Variants in ABCA9 observed in about 807,000 individuals in gnomAD.
ABCA9 encodes ATP-binding cassette sub-family A member 9.
Under a neutral mutation model 205.3 loss-of-function variants are expected in ABCA9, and 183 were observed. The observed-to-expected ratio is 0.89, with a 90% CI of 0.79 to 1.01. The LOEUF (loss-of-function observed/expected upper bound fraction) is 1.01. Among genes scored for constraint, ABCA9 ranks in the 50% least tolerant of loss-of-function variants. The pLI, the probability that ABCA9 is intolerant of heterozygous loss-of-function variation, is 0.00. For synonymous variants in ABCA9, 651 were observed against 683.3 expected, an observed-to-expected ratio of 0.95 and a Z score of 0.74; for missense variants, 1,805 against 1,912.4, an observed-to-expected ratio of 0.94 and a Z score of 1.05.
chr17:69,033,680 T>G (rs2071236309), intron 9 of ABCA9, 46 bp downstream of exon 9: 1 of 1,511,478 alleles, frequency 6.6e-7, no homozygotes, highest in Admixed American at 2.0e-5. Flanking sequence ...TTTAAAGACA[T>G]GCAATTATTG....
At chr17:69,058,756 T>A (rs751426922) in intron 1 of ABCA9, among the ~76,000 whole-genome samples, 107 of 152,082 alleles carry the variant, frequency 7.0e-4, no homozygotes, top group Middle Eastern at 3.4e-3. Context: ...GGAGAACCGC[T>A]TGAACCTGGG....
chr17:68,976,151 T>C lies in ABCA9; in HGVS notation c.4760A>G (p.Gln1587Arg). 1 of 1,614,062 alleles carries C rather than the reference T, an allele frequency of 6.2e-7. No individual in the cohort carries two copies. Among genetic ancestry groups the C allele is most frequent in the Non-Finnish European group, 8.5e-7 (1 of 1,179,912 alleles). The stretch of plus-strand genomic sequence containing the variant: ...ATGACCCACCTGCTCCAGGGTAGAC[T>C]GTGAGAGGCTGTACTCCTCCAGGTC... ...SFDLEEYSLS[Q>R]STLEQVFLEL... The change falls in exon 38 of 39, where the codon CAG (glutamine) becomes CGG (arginine). Residue 1587 changes from glutamine (Q) to arginine (R), a missense_variant. By Grantham distance (43) the Gln-to-Arg change is conservative. Coordinates refer to ENST00000340001, the MANE Select transcript of ABCA9 (RefSeq NM_080283.4).
intron 23 of ABCA9, among the ~76,000 whole-genome samples, 198 bp from the exon 24 acceptor site, chr17:69,008,433 G>C (rs1166020475): frequency 1.3e-5 from 2 of 152,192 alleles, no homozygotes; most frequent in Non-Finnish European, 2.9e-5. Context: ...TTATTTCATT[G>C]TCTAAAGGGA....
intron 22 of ABCA9, among the ~76,000 whole-genome samples, chr17:69,012,610 A>T: frequency 6.6e-6 from 1 of 152,158 alleles, no homozygotes. Flanking sequence ...ATTTGTGGGT[A>T]CATAGTAGAT....
At chr17:69,073,150 G>A in the ABCA9 span, among the ~76,000 whole-genome samples, 1 of 152,120 alleles carries the variant, frequency 6.6e-6, no homozygotes, top group Admixed American at 6.5e-5. Context: ...CAATAATAGT[G>A]GCAGACTTTA....
Position 68,981,835 on chromosome 17 carries a change from CAAAAAA to C in ABCA9, c.4720+721_4720+726del, listed in dbSNP as rs398041827. ...CTGGCGACAAAGGAAAACTCTTTCT[CAAAAAA>C]AAAAAAAAAAAAAAAAAAAGCTAGG... On this transcript the variant is annotated intron_variant, in intron 37 of 38. Coordinates refer to ENST00000340001, the MANE Select transcript of ABCA9 (RefSeq NM_080283.4). Among the ~76,000 whole-genome samples, 4 of 51,656 alleles carry C rather than the reference CAAAAAA, an allele frequency of 7.7e-5. No homozygotes were observed. In the East Asian group the frequency reaches 2.3e-3, roughly 30 times the overall value. The allele number at this position is 51,656 out of a possible 152,430, so 33.9% of individuals were successfully genotyped here. A position where few individuals can be genotyped will look rare whatever the true frequency, so the allele number is the denominator to read the frequency against.
At chr17:69,061,964 A>C (rs2072266693), upstream of ABCA9, among the ~76,000 whole-genome samples, 1 of 152,156 alleles carries the variant, frequency 6.6e-6, no homozygotes, top group African/African-American at 2.4e-5. Flanking sequence ...TCAGCCTCTT[A>C]TCTGTGTCTC....
At chr17:69,018,107 CCAGCA>C (rs1203950717) in intron 20 of ABCA9, 3 of 374,948 alleles carry the variant, frequency 8.0e-6, no homozygotes, top group African/African-American at 6.3e-5. Flanking sequence ...TTTCCAGAGC[CCAGCA>C]CAGCACAGAT....
intron 8 of ABCA9, chr17:69,034,997 G>T: frequency 3.4e-6 from 1 of 293,476 alleles, no homozygotes; most frequent in East Asian, 5.8e-5. Context: ...TGAGACAAAT[G>T]TTCTCTGGGA....
chr17:69,062,376 C>T (rs2072279425), upstream of ABCA9, among the ~76,000 whole-genome samples: 2 of 151,896 alleles, frequency 1.3e-5, no homozygotes, highest in Admixed American at 1.3e-4. Context: ...TTTTGACTTT[C>T]GGTTCTAAAT....
the ABCA9 span, among the ~76,000 whole-genome samples, chr17:69,078,201 GTTT>G: frequency 1.1e-5 from 1 of 89,906 alleles, no homozygotes; most frequent in Admixed American, 1.3e-4. Context: ...TTTTGGTTTT[GTTT>G]TTGTTGTTTT....
chr17:69,046,901 A>T (rs1198196010), intron 3 of ABCA9, among the ~76,000 whole-genome samples: 1 of 116,940 alleles, frequency 8.6e-6, no homozygotes, highest in Non-Finnish European at 1.7e-5. Context: ...ATATATATAT[A>T]TATATATATA....
chr17:69,025,625 T>C (rs1333720065), intron 16 of ABCA9, among the ~76,000 whole-genome samples: 1 of 152,172 alleles, frequency 6.6e-6, no homozygotes, highest in Non-Finnish European at 1.5e-5. Context: ...ATTAGCCACT[T>C]TGAGTAAAAA....
chr17:69,036,557 T>C (rs1004340999), intron 6 of ABCA9, among the ~76,000 whole-genome samples: 2 of 151,960 alleles, frequency 1.3e-5, no homozygotes, highest in African/African-American at 4.8e-5. Context: ...AAAAAACCAA[T>C]AGCAGCTACT....
At chr17:69,056,304 T>G (rs2072068364) in intron 1 of ABCA9, among the ~76,000 whole-genome samples, 1 of 151,986 alleles carries the variant, frequency 6.6e-6, no homozygotes. Context: ...AGAACACAAG[T>G]TGCTAATATT....
chr17:69,033,231 C>G (rs1188058500), intron 9 of ABCA9: 1 of 130,454 alleles, frequency 7.7e-6, no homozygotes, highest in Non-Finnish European at 1.5e-5. Flanking sequence ...CACTTGAACC[C>G]GGGAGGCAGA....
At position 69,035,306 on chromosome 17, in the gene ABCA9, T is replaced by C; in HGVS notation, c.1068A>G (p.Ala356=). 1.2e-6 allele frequency: 2 copies of C among 1,607,328 alleles called. No homozygotes were observed. Among genetic ancestry groups the C allele is most frequent in the South Asian group, 2.2e-5 (2 of 89,908 alleles). The change falls in exon 8 of 39, where the codon GCA becomes GCG. Residue 356 remains alanine, a synonymous_variant. Coordinates refer to ENST00000340001, the MANE Select transcript of ABCA9 (RefSeq NM_080283.4). ...GFPALYTRLP[A]FLEWTLCLLS... The stretch of plus-strand genomic sequence containing the variant: ...GAAGACACAAAGTCCATTCCAAAAA[T>C]GCAGGAAGACGTGTATACAATGCTG...
intron 20 of ABCA9, 44 bp from the exon 21 acceptor site, chr17:69,017,833 C>A: frequency 6.3e-7 from 1 of 1,586,834 alleles, no homozygotes; most frequent in South Asian, 1.1e-5. Context: ...TGAAATAAAA[C>A]AATAGTCAAG....
chr17:69,016,829 C>T (rs1479053894), intron 21 of ABCA9, among the ~76,000 whole-genome samples: 1 of 151,888 alleles, frequency 6.6e-6, no homozygotes, highest in Non-Finnish European at 1.5e-5. Context: ...CCTGTGCTTA[C>T]TTGTAAAGTC....
Sources: allele counts gnomAD v4.1 joint callset (sites outside exome capture counted in the v4.1 genomes callset), GRCh38; gene constraint gnomAD v4.1.1; transcripts MANE v1.5; gene names NCBI Gene and HGNC (gene_info 2026-07-23, HGNC 2026-07-21).